C1QTNF7: variants seen among roughly 807,000 people sequenced by gnomAD.
The protein encoded by C1QTNF7 is C1q and TNF related 7.
In C1QTNF7, 15 loss-of-function variants were observed where a neutral mutation model predicts 19.6. That is an observed-to-expected ratio of 0.76 (90% CI 0.51 to 1.18). C1QTNF7 has a LOEUF of 1.18. Ranked by LOEUF, C1QTNF7 falls within the 50% of genes most tolerant of loss-of-function variation. The pLI is 0.00. For missense variants in C1QTNF7, 324 were observed against 359.7 expected (o/e 0.90, Z 0.80); for synonymous variants, 142 against 137.5 (o/e 1.03, Z -0.23).
intron 1 of C1QTNF7, among the ~76,000 whole-genome samples, chr4:15,359,786 G>A (rs900033204): frequency 1.3e-5 from 2 of 152,196 alleles, no homozygotes; most frequent in Non-Finnish European, 1.5e-5. Context: ...TTTCAGGAGT[G>A]AGTCTGATTT....
chr4:15,415,796 C>T (rs1719585866), intron 1 of C1QTNF7, among the ~76,000 whole-genome samples: 1 of 152,088 alleles, frequency 6.6e-6, no homozygotes, highest in Admixed American at 6.5e-5. Context: ...AAACCAGAGA[C>T]ACTATTTGGT....
In C1QTNF7 at chr4:15,393,684, T is replaced by A. The variant is rs184131085; in HGVS notation, c.14-42052T>A. Among the ~76,000 whole-genome samples the A allele has an allele frequency of 2.6e-4, 40 of 152,280 alleles. No individual in the cohort carries two copies. In the East Asian group the frequency reaches 6.6e-3, roughly 25 times the overall value. On this transcript the variant is annotated intron_variant, in intron 1 of 2. Transcript: ENST00000295297. Reference sequence around the variant, plus strand: ...GACCTGGGGTAAGGGAGTTCACCTCTCTAAGCCTGTTTCCTCAACTTTAAA... The same window carrying A: ...GACCTGGGGTAAGGGAGTTCACCTCACTAAGCCTGTTTCCTCAACTTTAAA...
At position 15,442,649 on chromosome 4, in the gene C1QTNF7, G is replaced by T. The variant is rs550036426; in HGVS notation, c.720G>T (p.Gln240His). 6.8e-6 allele frequency: 11 copies of T among 1,614,208 alleles called. 1 individual carries two copies. Among genetic ancestry groups the T allele is most frequent in the Admixed American group, 5.0e-5 (3 of 60,020 alleles). The change falls in exon 3 of 3, where the codon CAG becomes CAT. Residue 240 changes from glutamine (Q) to histidine (H), a missense_variant. Physicochemically the swap from Gln to His is conservative, Grantham distance 24 (BLOSUM62 0). Transcript: ENST00000444304. ...VASGSTVIYL[Q>H]PEDEVWLEIF... Reference sequence around the variant, plus strand: ...CGGGGTCCACAGTCATCTATCTGCAGCCAGAAGATGAAGTCTGGCTGGAGA... The same window carrying T: ...CGGGGTCCACAGTCATCTATCTGCATCCAGAAGATGAAGTCTGGCTGGAGA...
At chr4:15,411,790 G>A (rs537767271) in intron 1 of C1QTNF7, among the ~76,000 whole-genome samples, 2 of 152,236 alleles carry the variant, frequency 1.3e-5, no homozygotes, top group South Asian at 2.1e-4. Context: ...AGTCTCAGGT[G>A]GGCTTCCAGG....
chr4:15,444,952 A>G lies in C1QTNF7; in HGVS notation c.*2153A>G, dbSNP rs749055174. The G allele has an allele frequency of 2.0e-5, 3 of 152,246 alleles. No homozygotes were observed. The highest frequency in any genetic ancestry group is 2.9e-5 in the Non-Finnish European group (2 of 68,052). 9.4% of individuals were successfully genotyped at this position (152,246 alleles called of 1,614,324 possible). A position where few individuals can be genotyped will look rare whatever the true frequency, so the allele number is the denominator to read the frequency against. On this transcript the variant is annotated 3_prime_UTR_variant, in exon 3 of 3. Coordinates refer to ENST00000444304, the MANE Select transcript of C1QTNF7 (RefSeq NM_031911.5). ...AAAGTGTAGAGACCCTGTGTATTTC[A>G]GAGCTGGATACTGCCATTACCACAG... is the stretch of plus-strand genomic sequence containing the variant.
intron 1 of C1QTNF7, among the ~76,000 whole-genome samples, chr4:15,359,390 G>A (rs980637869): frequency 6.6e-6 from 1 of 152,130 alleles, no homozygotes; most frequent in African/African-American, 2.4e-5. Context: ...AAAATTGGAG[G>A]TGGAAAGAAT....
chr4:15,438,623 A>G (rs1474859310), intron 2 of C1QTNF7, among the ~76,000 whole-genome samples: 1 of 152,244 alleles, frequency 6.6e-6, no homozygotes, highest in Non-Finnish European at 1.5e-5. Flanking sequence ...TTACTGTAGC[A>G]TAATATTAAC....
At chr4:15,412,913 A>G (rs1487311730) in intron 1 of C1QTNF7, among the ~76,000 whole-genome samples, 2 of 152,150 alleles carry the variant, frequency 1.3e-5, no homozygotes, top group Non-Finnish European at 2.9e-5. Flanking sequence ...AGCCCCTAAT[A>G]CGTTCCACAG....
At chr4:15,393,175 T>C (rs1448109454) in intron 1 of C1QTNF7, among the ~76,000 whole-genome samples, 2 of 152,252 alleles carry the variant, frequency 1.3e-5, no homozygotes, top group Admixed American at 6.5e-5. Flanking sequence ...TCTGCCGCCA[T>C]GTAAGACATG....
intron 1 of C1QTNF7, among the ~76,000 whole-genome samples, chr4:15,364,203 T>C (rs192618763): frequency 6.6e-6 from 1 of 152,334 alleles, no homozygotes; most frequent in Non-Finnish European, 1.5e-5. Context: ...ATAATGACAT[T>C]GTTTTCACTT....
chr4:15,429,002 G>A (rs13116208), intron 1 of C1QTNF7, among the ~76,000 whole-genome samples: 2 of 152,022 alleles, frequency 1.3e-5, no homozygotes, highest in African/African-American at 4.8e-5. Flanking sequence ...GAAGACAAAA[G>A]AACTCAGTAC....
At chr4:15,399,695 T>C (rs768162745) in intron 1 of C1QTNF7, among the ~76,000 whole-genome samples, 32 of 152,230 alleles carry the variant, frequency 2.1e-4, no homozygotes, top group Non-Finnish European at 4.0e-4. Flanking sequence ...TTAATTTGAC[T>C]ATCACCTCCT....
At chr4:15,397,862 C>T (rs1718845827) in intron 1 of C1QTNF7, among the ~76,000 whole-genome samples, 1 of 152,186 alleles carries the variant, frequency 6.6e-6, no homozygotes, top group South Asian at 2.1e-4. Flanking sequence ...AATCTCTCAG[C>T]AGATGCTGGC....
At chr4:15,395,887 C>T (rs1349531991) in intron 1 of C1QTNF7, among the ~76,000 whole-genome samples, 5 of 152,106 alleles carry the variant, frequency 3.3e-5, no homozygotes, top group African/African-American at 4.8e-5. Flanking sequence ...TGGAAGTAGA[C>T]GTTAAACCTC....
intron 1 of C1QTNF7, among the ~76,000 whole-genome samples, chr4:15,412,609 ACT>A (rs1719444484): frequency 6.6e-6 from 1 of 152,058 alleles, no homozygotes; most frequent in East Asian, 1.9e-4. Flanking sequence ...CCACCTCAAG[ACT>A]CTTCATTTAA....
intron 2 of C1QTNF7, among the ~76,000 whole-genome samples, chr4:15,436,701 A>G (rs1378341525): frequency 6.6e-6 from 1 of 152,228 alleles, no homozygotes; most frequent in South Asian, 2.1e-4. Context: ...GAAGCTTGCC[A>G]GATTCTGCAG....
At chr4:15,364,848 T>A (rs1217824104) in intron 1 of C1QTNF7, among the ~76,000 whole-genome samples, 1 of 152,204 alleles carries the variant, frequency 6.6e-6, no homozygotes, top group Non-Finnish European at 1.5e-5. Context: ...AGCTGTGTTA[T>A]AAATACGTTG....
At chr4:15,381,421 C>CA (rs11308911) in intron 1 of C1QTNF7, among the ~76,000 whole-genome samples, 22,844 of 126,458 alleles carry the variant, frequency 0.18, 2,343 homozygotes, top group African/African-American at 0.28. Context: ...GACTCCATCT[C>CA]AAAAAAAAAA....
intron 1 of C1QTNF7, among the ~76,000 whole-genome samples, chr4:15,360,874 A>G (rs1262438287): frequency 1.3e-5 from 2 of 152,178 alleles, no homozygotes; most frequent in Non-Finnish European, 2.9e-5. Context: ...TACCTACCAG[A>G]AATAGCATCT....
Sources: gnomAD v4.1 joint callset for allele counts (sites outside exome capture counted in the v4.1 genomes callset) on GRCh38, gnomAD v4.1.1 for gene constraint, MANE v1.5 for transcripts, NCBI Gene and HGNC (gene_info 2026-07-23, HGNC 2026-07-21) for gene names.